The following FGF14 variants were observed in gnomAD, a reference collection of about 807,000 sequenced individuals.
FGF14 encodes the protein fibroblast growth factor homologous factor 4.
Under a neutral mutation model 25.5 loss-of-function variants are expected in FGF14, and 5 were observed. The observed-to-expected ratio is 0.20, with a 90% CI of 0.10 to 0.41. The LOEUF is 0.41. Ranked by LOEUF, FGF14 falls within the 10% of genes least tolerant of loss-of-function variation. The pLI is 1.00. For synonymous variants in FGF14, 138 were observed against 118.3 expected, an observed-to-expected ratio of 1.17 and a Z score of -1.08; for missense variants, 222 against 320.1, an observed-to-expected ratio of 0.69 and a Z score of 2.34.
chr13:102,318,840 C>G (rs1007115374), intron 1 of FGF14, among the ~76,000 whole-genome samples: 8 of 152,152 alleles, frequency 5.3e-5, no homozygotes, highest in African/African-American at 1.9e-4. Context: ...TGATGGCTAC[C>G]TGTAGATCAT....
At chr13:101,887,826 T>C (rs1392129394) in intron 1 of FGF14, among the ~76,000 whole-genome samples, 1 of 152,210 alleles carries the variant, frequency 6.6e-6, no homozygotes, top group Non-Finnish European at 1.5e-5. Flanking sequence ...TGTAGTTATG[T>C]ATCTAAATAT....
intron 1 of FGF14, among the ~76,000 whole-genome samples, chr13:101,963,621 A>C (rs2037005549): frequency 6.6e-6 from 1 of 152,230 alleles, no homozygotes; most frequent in Non-Finnish European, 1.5e-5. Context: ...GCTTTCAAGG[A>C]TATCCATGAT....
chr13:101,860,763 G>T (rs142420822), intron 3 of FGF14, among the ~76,000 whole-genome samples: 1 of 151,932 alleles, frequency 6.6e-6, no homozygotes, highest in African/African-American at 2.4e-5. Flanking sequence ...GATTCTTGAG[G>T]CATGTTGAAA....
At chr13:102,114,648 T>C (rs1351680476) in intron 1 of FGF14, among the ~76,000 whole-genome samples, 1 of 152,196 alleles carries the variant, frequency 6.6e-6, no homozygotes, top group Non-Finnish European at 1.5e-5. Context: ...GGAATACCAT[T>C]CGGCTTTAAG....
chr13:101,974,402 C>T (rs2476237), intron 1 of FGF14, among the ~76,000 whole-genome samples: 4,353 of 152,242 alleles, frequency 0.029, 214 homozygotes, highest in African/African-American at 0.1. Context: ...GCAAGCCTCT[C>T]ATATTAGTTT....
At chr13:101,984,867 G>C (rs1300866724) in intron 1 of FGF14, among the ~76,000 whole-genome samples, 1 of 152,080 alleles carries the variant, frequency 6.6e-6, no homozygotes, top group Non-Finnish European at 1.5e-5. Context: ...TAGCATTATA[G>C]AATCTGGATA....
chr13:101,816,039 G>A (rs999419249), intron 3 of FGF14, among the ~76,000 whole-genome samples: 8 of 151,848 alleles, frequency 5.3e-5, no homozygotes, highest in African/African-American at 1.9e-4. Flanking sequence ...GGGAGGCCGA[G>A]ACGGGCGGAT....
At position 101,711,999 on chromosome 13, in the gene FGF14, G is replaced by A. The variant is rs1015672822; in HGVS notation, c.*10832C>T. On this transcript the variant is annotated 3_prime_UTR_variant, in exon 5 of 5. Transcript: ENST00000376143. Reference sequence around the variant, plus strand: ...CTTGATAGTCATGCAGCCTACATCTGTCTGATGGAACCCTCTCCCTGTGTG... The same window carrying A: ...CTTGATAGTCATGCAGCCTACATCTATCTGATGGAACCCTCTCCCTGTGTG... 1 of 152,154 alleles carries A rather than the reference G, an allele frequency of 6.6e-6. No individual in the cohort carries two copies. Among genetic ancestry groups the A allele is most frequent in the Admixed American group, 6.6e-5 (1 of 15,258 alleles). 9.4% of individuals were successfully genotyped at this position (152,154 alleles called of 1,614,324 possible).
intron 1 of FGF14, among the ~76,000 whole-genome samples, chr13:102,127,199 G>A (rs915089480): frequency 6.6e-6 from 1 of 151,886 alleles, no homozygotes; most frequent in African/African-American, 2.4e-5. Context: ...TGTCTCATAA[G>A]TAAAAAGAGA....
At chr13:102,057,582 A>AC (rs1471413412) in intron 1 of FGF14, among the ~76,000 whole-genome samples, 3 of 152,186 alleles carry the variant, frequency 2.0e-5, no homozygotes, top group African/African-American at 7.2e-5. Context: ...ATTCTCAGTG[A>AC]CCATTATAGT....
intron 1 of FGF14, among the ~76,000 whole-genome samples, chr13:101,975,306 A>T (rs1486971303): frequency 6.6e-6 from 1 of 151,692 alleles, no homozygotes; most frequent in Non-Finnish European, 1.5e-5. Context: ...GCCAGCACTA[A>T]CCCCCTCGAC....
At chr13:102,310,651 T>TTC (rs34400050) in intron 1 of FGF14, among the ~76,000 whole-genome samples, 15,224 of 45,598 alleles carry the variant, frequency 0.33, 3,265 homozygotes, top group African/African-American at 0.35. Flanking sequence ...CTCTTCCCGT[T>TTC]TCTCTCTCTC....
chr13:102,064,147 C>A (rs1595151229), intron 1 of FGF14, among the ~76,000 whole-genome samples: 2 of 152,042 alleles, frequency 1.3e-5, no homozygotes, highest in Non-Finnish European at 2.9e-5. Flanking sequence ...TAGGAAAGAA[C>A]TGATATTTAA....
Position 101,916,481 on chromosome 13 carries a change from G to C in FGF14, c.165C>G (p.Gly55=), listed in dbSNP as rs144191647. The change falls in exon 1 of 5, where the codon GGC becomes GGG. Residue 55 remains glycine (G), a synonymous_variant. Transcript: ENST00000376143. Reference sequence around the variant, plus strand: ...GGCGCCGCAACCTGCGCTTCTTGAGGCCGAAGATGCGCACTTTGGAGAAGA... The same window carrying C: ...GGCGCCGCAACCTGCGCTTCTTGAGCCCGAAGATGCGCACTTTGGAGAAGA... ...VDIFSKVRIF[G]LKKRRLRRQD... The C allele has an allele frequency of 6.2e-7, 1 of 1,613,978 alleles. No homozygotes were observed. The highest frequency in any genetic ancestry group is 1.3e-5 in the African/African-American group (1 of 75,066).
At chr13:102,062,230 C>T (rs553978491) in intron 1 of FGF14, among the ~76,000 whole-genome samples, 8 of 151,766 alleles carry the variant, frequency 5.3e-5, no homozygotes, top group South Asian at 2.1e-4. Context: ...GGCTACCAAC[C>T]GGAAAAGATA....
At chr13:102,125,846 C>A (rs16959781) in intron 1 of FGF14, among the ~76,000 whole-genome samples, 39,345 of 151,972 alleles carry the variant, frequency 0.26, 6,376 homozygotes, top group East Asian at 0.83. Context: ...GCAACTGATG[C>A]TGTGGATATA....
At chr13:101,770,212 T>C (rs1594187132) in intron 3 of FGF14, among the ~76,000 whole-genome samples, 2 of 152,294 alleles carry the variant, frequency 1.3e-5, no homozygotes, top group African/African-American at 2.4e-5. Flanking sequence ...CACTTATGAA[T>C]TGTTTGGGTC....
chr13:102,401,009 C>G (rs1216721577), intron 1 of FGF14, among the ~76,000 whole-genome samples: 1 of 152,014 alleles, frequency 6.6e-6, no homozygotes. Context: ...TAAAGGTGAT[C>G]GTGGTGGCGA....
At chr13:102,322,376 C>T (rs1322027832) in intron 1 of FGF14, among the ~76,000 whole-genome samples, 4 of 152,114 alleles carry the variant, frequency 2.6e-5, no homozygotes, top group African/African-American at 7.2e-5. Flanking sequence ...TGGGAAAGAC[C>T]TATTAGGCCT....
Sources: gnomAD v4.1 joint callset for allele counts (sites outside exome capture counted in the v4.1 genomes callset) on GRCh38, gnomAD v4.1.1 for gene constraint, MANE v1.5 for transcripts, NCBI Gene and HGNC (gene_info 2026-07-23, HGNC 2026-07-21) for gene names.